PGM5: variants seen among roughly 807,000 people sequenced by gnomAD.
PGM5 encodes phosphoglucomutase-like protein 5.
Under a neutral mutation model 59.2 loss-of-function variants are expected in PGM5, and 23 were observed. The observed-to-expected ratio is 0.39, with a 90% CI of 0.28 to 0.55. The LOEUF is 0.55. PGM5 is among the 20% of genes least tolerant of loss of function. The pLI, the probability that PGM5 is intolerant of heterozygous loss-of-function variation, is 0.66. For missense variants in PGM5, 574 were observed against 748.3 expected, an observed-to-expected ratio of 0.77 and a Z score of 2.72; for synonymous variants, 214 against 286.0, an observed-to-expected ratio of 0.75 and a Z score of 2.54.
chr9:68,444,678 T>G (rs1292141579), intron 6 of PGM5, among the ~76,000 whole-genome samples: 1 of 152,150 alleles, frequency 6.6e-6, no homozygotes. Context: ...TGACATACAC[T>G]GGGGAGGGGA....
intron 10 of PGM5, among the ~76,000 whole-genome samples, chr9:68,519,431 G>T (rs1824865707): frequency 6.6e-6 from 1 of 151,830 alleles, no homozygotes; most frequent in Non-Finnish European, 1.5e-5. Flanking sequence ...GAAAATAAAG[G>T]TATAGATAAA....
chr9:68,473,240 G>A (rs1554686395), intron 7 of PGM5, among the ~76,000 whole-genome samples: 1 of 152,136 alleles, frequency 6.6e-6, no homozygotes, highest in African/African-American at 2.4e-5. Context: ...CTGAAAAAAG[G>A]ATGAGAAGGC....
At chr9:68,450,503 G>A (rs1225330656) in intron 6 of PGM5, among the ~76,000 whole-genome samples, 1 of 152,198 alleles carries the variant, frequency 6.6e-6, no homozygotes, top group African/African-American at 2.4e-5. Context: ...AAAAAGAGGG[G>A]GAAACACTGT....
At chr9:68,384,652 G>A in intron 3 of PGM5, 108 bp downstream of exon 3, 1 of 697,558 alleles carries the variant, frequency 1.4e-6, no homozygotes, top group Non-Finnish European at 2.5e-6. Context: ...TAATCTCAGG[G>A]GTGACTCGAT....
At chr9:68,420,702 C>T (rs1823113422) in intron 6 of PGM5, among the ~76,000 whole-genome samples, 1 of 152,090 alleles carries the variant, frequency 6.6e-6, no homozygotes, top group Non-Finnish European at 1.5e-5. Flanking sequence ...CTGTGCACAC[C>T]CATGACCTTC....
At chr9:68,357,566 C>T (rs1381973162) in intron 1 of PGM5, among the ~76,000 whole-genome samples, 178 bp downstream of exon 1, 4 of 152,336 alleles carry the variant, frequency 2.6e-5, no homozygotes, top group Admixed American at 6.5e-5. Context: ...GCAGCCTCCC[C>T]GGTGCACCCC....
At chr9:68,511,286 A>C (rs1414649881) in intron 10 of PGM5, among the ~76,000 whole-genome samples, 1 of 152,188 alleles carries the variant, frequency 6.6e-6, no homozygotes, top group Non-Finnish European at 1.5e-5. Context: ...ACTGCTACAA[A>C]GAGTCTGTTC....
chr9:68,477,475 T>A (rs1824125917), intron 7 of PGM5, among the ~76,000 whole-genome samples: 1 of 152,196 alleles, frequency 6.6e-6, no homozygotes, highest in Non-Finnish European at 1.5e-5. Flanking sequence ...TGGCGTTGCG[T>A]CTCCCTTGTT....
chr9:68,475,433 C>T (rs1554686587), intron 7 of PGM5, among the ~76,000 whole-genome samples: 1 of 152,076 alleles, frequency 6.6e-6, no homozygotes, highest in Non-Finnish European at 1.5e-5. Flanking sequence ...AGTTCTACCA[C>T]TTCAGAGATA....
rs186071818 is a variant in PGM5, at chr9:68,521,563, G to C, written c.1615-8004G>C. On this transcript the variant is annotated intron_variant, in intron 10 of 10. Coordinates refer to ENST00000396396, the MANE Select transcript of PGM5 (RefSeq NM_021965.4). ...GAGATCCTAATTTCCCTTTGACCTA[G>C]CAAGTGTATTCCATGTGAAAGAAAC... Among the ~76,000 whole-genome samples the C allele has an allele frequency of 2.6e-3, 402 of 152,280 alleles. 4 individuals carry two copies. The highest frequency in any genetic ancestry group is 8.9e-3 in the African/African-American group (370 of 41,556).
intron 1 of PGM5, chr9:68,357,912 AACACACACACACACACACACACACAC>A (rs71500321): frequency 6.1e-6 from 1 of 162,988 alleles, no homozygotes; most frequent in African/African-American, 2.7e-5. Flanking sequence ...GGTGTCTCAG[AACACACACACACACACACACACACAC>A]ACACACACAC....
chr9:68,433,188 C>T (rs1399721979), intron 6 of PGM5, among the ~76,000 whole-genome samples: 1 of 152,156 alleles, frequency 6.6e-6, no homozygotes, highest in Non-Finnish European at 1.5e-5. Context: ...AGTTAAAAAC[C>T]CTTTGTCCCA....
At chr9:68,438,997 C>G (rs1267535942) in intron 6 of PGM5, among the ~76,000 whole-genome samples, 1 of 152,088 alleles carries the variant, frequency 6.6e-6, no homozygotes, top group Non-Finnish European at 1.5e-5. Flanking sequence ...AGTGGTGGTC[C>G]CAACAGACTA....
intron 2 of PGM5, among the ~76,000 whole-genome samples, chr9:68,383,092 C>T (rs1192746049): frequency 6.6e-6 from 1 of 151,782 alleles, no homozygotes; most frequent in Non-Finnish European, 1.5e-5. Flanking sequence ...TTGAGGACTT[C>T]ACTTTTCCCA....
intron 6 of PGM5, among the ~76,000 whole-genome samples, chr9:68,420,998 G>A (rs781896452): frequency 1.3e-5 from 2 of 152,216 alleles, no homozygotes; most frequent in Non-Finnish European, 2.9e-5. Context: ...TTTGTCCATG[G>A]ATGGTTTCTT....
chr9:68,402,976 G>A (rs1822708854), intron 6 of PGM5, among the ~76,000 whole-genome samples: 1 of 152,156 alleles, frequency 6.6e-6, no homozygotes, highest in Non-Finnish European at 1.5e-5. Context: ...CTGTCATGCT[G>A]AGGGAAAGAT....
At chr9:68,427,361 T>A (rs1564002872) in intron 6 of PGM5, among the ~76,000 whole-genome samples, 1 of 152,230 alleles carries the variant, frequency 6.6e-6, no homozygotes, top group African/African-American at 2.4e-5. Flanking sequence ...GCAATGTTAT[T>A]TGACAACCAT....
At chr9:68,496,020 T>A (rs1554688120) in intron 9 of PGM5, among the ~76,000 whole-genome samples, 1 of 152,216 alleles carries the variant, frequency 6.6e-6, no homozygotes, top group Non-Finnish European at 1.5e-5. Context: ...TATAAATGAA[T>A]GGACACGACT....
In PGM5 at chr9:68,520,943, G is replaced by T. The variant is rs118117267; in HGVS notation, c.1615-8624G>T. ...GTTATATTTAATAATCCTTAAAAAGGTAATTTTCAAATAGTGTGCCTAGAA... is the reference window on the plus strand; with the variant it reads ...GTTATATTTAATAATCCTTAAAAAGTTAATTTTCAAATAGTGTGCCTAGAA... On this transcript the variant is annotated intron_variant, in intron 10 of 10. Transcript: ENST00000396396. Among the ~76,000 whole-genome samples, 585 of 152,262 alleles carry T rather than the reference G, an allele frequency of 3.8e-3. 7 individuals are homozygous for T. Among genetic ancestry groups the T allele is most frequent in the East Asian group, 0.013 (67 of 5,194 alleles).
Sources: allele counts gnomAD v4.1 joint callset (sites outside exome capture counted in the v4.1 genomes callset), GRCh38; gene constraint gnomAD v4.1.1; transcripts MANE v1.5; gene names NCBI Gene and HGNC (gene_info 2026-07-23, HGNC 2026-07-21).